Variants in GNA13 observed in about 807,000 individuals in gnomAD.
GNA13 encodes G protein subunit alpha 13, also known as guanine nucleotide-binding protein subunit alpha-13.
Under a neutral mutation model 33.5 loss-of-function variants are expected in GNA13, and 4 were observed. That is an observed-to-expected ratio of 0.12 (90% CI 0.06 to 0.27). The LOEUF is 0.27. Ranked by LOEUF, GNA13 falls within the 10% of genes least tolerant of loss-of-function variation. The pLI is 1.00. For missense variants in GNA13, 319 were observed against 487.2 expected (o/e 0.65, Z 3.25); for synonymous variants, 176 against 183.8 (o/e 0.96, Z 0.34).
rs1906302263 is a variant in GNA13 at position 65,014,699 on chromosome 17, T to C, written c.692A>G (p.Lys231Arg). ...VDVGGQRSER[K>R]RWFECFDSVT... ...ACTGTCGAAACATTCAAACCAACGT[T>C]TCCTTTCTGATCTCTGACCACCTAC... Residue 231 changes from lysine to arginine, a missense_variant, in exon 4 of 4, where the codon AAA becomes AGA. Physicochemically the swap from Lys to Arg is conservative, Grantham distance 26. Transcript: ENST00000439174. This position sits in a 1 kb window ranked among gnomAD's most constrained non-coding sequence, Gnocchi z 5.3. The C allele has an allele frequency of 3.1e-6, 5 of 1,614,064 alleles. No individual in the cohort carries two copies. Among genetic ancestry groups the C allele is most frequent in the Admixed American group, 1.7e-5 (1 of 60,014 alleles).
intron 2 of GNA13, among the ~76,000 whole-genome samples, chr17:65,021,037 C>T (rs1906563936): frequency 6.6e-6 from 1 of 152,190 alleles, no homozygotes; most frequent in Admixed American, 6.5e-5. Flanking sequence ...CGGCCCTTAG[C>T]TCTTTTTTCT....
At chr17:65,056,262 C>CCCCCCCCCCCCCG in intron 1 of GNA13, 49 bp downstream of exon 1, 1 of 1,237,850 alleles carries the variant, frequency 8.1e-7, no homozygotes, top group Non-Finnish European at 1.1e-6. Flanking sequence ...CCCGCCGCCG[C>CCCCCCCCCCCCCG]CCCAGCCCCC....
At position 65,014,050 on chromosome 17, in the gene GNA13, T is replaced by C. The variant is rs868322577; in HGVS notation, c.*207A>G. 7.8e-5 allele frequency: 43 copies of C among 548,356 alleles called. No individual in the cohort carries two copies. Among genetic ancestry groups the C allele is most frequent in the Middle Eastern group, 4.8e-4 (1 of 2,102 alleles). 34.0% of individuals were successfully genotyped at this position (548,356 alleles called of 1,614,324 possible). Reference sequence around the variant, plus strand: ...AGCCATGGTGAAACAGATCAAAGCCTGCATTACAGCAAATCTTGGCGATGA... The same window carrying C: ...AGCCATGGTGAAACAGATCAAAGCCCGCATTACAGCAAATCTTGGCGATGA... On this transcript the variant is annotated 3_prime_UTR_variant, in exon 4 of 4. Coordinates refer to ENST00000439174, the MANE Select transcript of GNA13 (RefSeq NM_006572.6). This position sits in a 1 kb window ranked among gnomAD's most constrained non-coding sequence, Gnocchi z 5.3.
At position 65,012,338 on chromosome 17, in the gene GNA13, T is replaced by A; in HGVS notation, c.*1919A>T. On this transcript the variant is annotated 3_prime_UTR_variant, in exon 4 of 4. Coordinates refer to ENST00000439174, the MANE Select transcript of GNA13 (RefSeq NM_006572.6). ...ACTCTCCAATGAATAGTCCAAATGTTACTGTGCACATATTCCGATATTCAT... is the reference window on the plus strand; with the variant it reads ...ACTCTCCAATGAATAGTCCAAATGTAACTGTGCACATATTCCGATATTCAT... The A allele has an allele frequency of 4.5e-6, 1 of 223,806 alleles. No individual in the cohort carries two copies. Among genetic ancestry groups the A allele is most frequent in the East Asian group, 6.5e-5 (1 of 15,298 alleles). The allele number at this position is 223,806 out of a possible 1,614,324, so 13.9% of individuals were successfully genotyped here.
chr17:65,029,356 C>T (rs1906918159), intron 2 of GNA13, among the ~76,000 whole-genome samples: 1 of 152,182 alleles, frequency 6.6e-6, no homozygotes, highest in African/African-American at 2.4e-5. Context: ...TCTGCTTCCA[C>T]CTCTCCTTCT....
At chr17:65,047,718 G>A (rs1164437367) in intron 2 of GNA13, among the ~76,000 whole-genome samples, 1 of 150,764 alleles carries the variant, frequency 6.6e-6, no homozygotes, top group African/African-American at 2.4e-5. Context: ...CATTGGACTT[G>A]AACTCTTGAG....
intron 2 of GNA13, among the ~76,000 whole-genome samples, chr17:65,041,436 C>G (rs1907449749): frequency 6.6e-6 from 1 of 151,804 alleles, no homozygotes; most frequent in African/African-American, 2.4e-5. Context: ...ATTCTCTAGA[C>G]TTTTTAGTTG....
At position 65,056,585 on chromosome 17, in the gene GNA13, G is replaced by A. The variant is rs1351273977; in HGVS notation, c.9C>T (p.Asp3=). MA[D]FLPSRSVLSV... ...ACAGCACGGACCGCGACGGCAGGAA[G>A]TCCGCCATCTTGCCGCCGCCGCCGC... The change falls in exon 1 of 4, where the codon GAC becomes GAT. Residue 3 remains aspartate, a synonymous_variant. Transcript: ENST00000439174. 2.5e-6 allele frequency: 4 copies of A among 1,602,762 alleles called. No homozygotes were observed. Among genetic ancestry groups the A allele is most frequent in the African/African-American group, 1.3e-5 (1 of 74,602 alleles).
intron 2 of GNA13, among the ~76,000 whole-genome samples, chr17:65,049,651 G>A (rs1302826025): frequency 6.6e-6 from 1 of 152,168 alleles, no homozygotes; most frequent in Non-Finnish European, 1.5e-5. Context: ...GAAGACTGGA[G>A]ATGCTTCAAA....
chr17:65,044,228 T>TG (rs1313833567), intron 2 of GNA13, among the ~76,000 whole-genome samples: 1 of 152,216 alleles, frequency 6.6e-6, no homozygotes, highest in African/African-American at 2.4e-5. Flanking sequence ...CGCAACAGAT[T>TG]GGTACTTTGG....
chr17:65,031,474 G>C (rs1907007362), intron 2 of GNA13, among the ~76,000 whole-genome samples: 1 of 152,120 alleles, frequency 6.6e-6, no homozygotes, highest in African/African-American at 2.4e-5. Context: ...TAAGTCCTTT[G>C]TTGTGCAAGT....
At chr17:65,040,667 T>G (rs576798822) in intron 2 of GNA13, among the ~76,000 whole-genome samples, 1 of 152,166 alleles carries the variant, frequency 6.6e-6, no homozygotes, top group Non-Finnish European at 1.5e-5. Flanking sequence ...CTAATTTTTG[T>G]ATTTTTAGTA....
chr17:65,036,305 C>A (rs577872244), intron 2 of GNA13, among the ~76,000 whole-genome samples: 7 of 152,322 alleles, frequency 4.6e-5, no homozygotes, highest in African/African-American at 1.4e-4. Context: ...TTCCAAGTCC[C>A]GATTTGGTCA....
intron 2 of GNA13, among the ~76,000 whole-genome samples, chr17:65,023,778 C>G (rs1906674265): frequency 6.6e-6 from 1 of 152,178 alleles, no homozygotes; most frequent in Admixed American, 6.5e-5. Flanking sequence ...TTTCAGACCC[C>G]TATGTAAGTG....
At chr17:65,031,360 A>C (rs959991910) in intron 2 of GNA13, among the ~76,000 whole-genome samples, 12 of 152,246 alleles carry the variant, frequency 7.9e-5, no homozygotes, top group Non-Finnish European at 1.6e-4. Flanking sequence ...ATATGCAGTC[A>C]GTCCTTGACC....
intron 2 of GNA13, among the ~76,000 whole-genome samples, chr17:65,022,160 T>C (rs1471167071): frequency 2.0e-5 from 3 of 152,192 alleles, no homozygotes; most frequent in Non-Finnish European, 4.4e-5. Context: ...GTAAAAATGA[T>C]ATGAAATTCG....
chr17:65,027,555 G>A (rs913096933), intron 2 of GNA13, among the ~76,000 whole-genome samples: 3 of 152,108 alleles, frequency 2.0e-5, no homozygotes, highest in Non-Finnish European at 4.4e-5. Flanking sequence ...GCAATCATCT[G>A]TGTACTTGTT....
chr17:65,032,126 TTACA>T (rs138308479), intron 2 of GNA13, among the ~76,000 whole-genome samples: 3,248 of 152,258 alleles, frequency 0.021, 52 homozygotes, highest in Non-Finnish European at 0.035. Context: ...TAGCATGTAC[TTACA>T]TAAAGTTTTC....
rs1031767677 is a variant in GNA13 at position 65,036,055 on chromosome 17, G to A, written c.510+17447C>T. Among the ~76,000 whole-genome samples, 20 of 152,178 alleles carry A rather than the reference G, an allele frequency of 1.3e-4. No homozygotes were observed. In the South Asian group the frequency reaches 1.5e-3, roughly 11 times the overall value. On this transcript the variant is annotated intron_variant, in intron 2 of 3. Transcript: ENST00000439174. ...ACACTAATTAATAAGGTAATTCTAC[G>A]CCTATGATCACAAAACAGGTGAAAG...
Sources: allele counts gnomAD v4.1 joint callset (sites outside exome capture counted in the v4.1 genomes callset), GRCh38; gene constraint gnomAD v4.1.1; non-coding constraint Gnocchi (gnomAD v3.1); transcripts MANE v1.5; gene names NCBI Gene and HGNC (gene_info 2026-07-23, HGNC 2026-07-21).